The following NPNT variants were observed in gnomAD, a reference collection of about 807,000 sequenced individuals.
NPNT encodes nephronectin, also known as preosteoblast EGF-like repeat protein with MAM domain.
In NPNT, 45 loss-of-function variants were observed where a neutral mutation model predicts 68.6. The observed-to-expected ratio is 0.66, with a 90% confidence interval of 0.52 to 0.84. The LOEUF is 0.84. Ranked by LOEUF, NPNT falls within the 40% of genes least tolerant of loss-of-function variation. The pLI, the probability that NPNT is intolerant of heterozygous loss-of-function variation, is 0.00. For synonymous variants in NPNT, 233 were observed against 253.3 expected, an observed-to-expected ratio of 0.92 and a Z score of 0.76; for missense variants, 672 against 714.8, an observed-to-expected ratio of 0.94 and a Z score of 0.68.
intron 11 of NPNT, among the ~76,000 whole-genome samples, chr4:105,968,143 C>A (rs1425161164): frequency 6.6e-6 from 1 of 152,140 alleles, no homozygotes; most frequent in Non-Finnish European, 1.5e-5. Context: ...TTGGGAGATA[C>A]CTATGCCTGT....
At chr4:105,900,510 C>T (rs1271795923) in intron 2 of NPNT, among the ~76,000 whole-genome samples, 3 of 152,236 alleles carry the variant, frequency 2.0e-5, no homozygotes, top group African/African-American at 7.2e-5. Flanking sequence ...CCTTCATTTT[C>T]ACTTGCTATC....
chr4:105,962,235 A>C (rs1335317895), intron 10 of NPNT, among the ~76,000 whole-genome samples: 1 of 152,234 alleles, frequency 6.6e-6, no homozygotes, highest in Non-Finnish European at 1.5e-5. Flanking sequence ...TATGAGAAGA[A>C]TAGAGTTGGT....
intron 8 of NPNT, among the ~76,000 whole-genome samples, chr4:105,948,113 A>G (rs72970412): frequency 0.025 from 3,766 of 152,252 alleles, 152 homozygotes; most frequent in African/African-American, 0.085. Context: ...AATTCAGATT[A>G]TGGTTTTTTT....
chr4:105,895,815 C>A lies in NPNT; in HGVS notation c.71+92C>A. On this transcript the variant is annotated intron_variant, in intron 1 of 11. Transcript: ENST00000379987. ...ACTTTTCCCCGCGGGGTTTCGTGGTCAGAGAGGCGTCTCCTCCATCCAGAA... is the reference window on the plus strand; with the variant it reads ...ACTTTTCCCCGCGGGGTTTCGTGGTAAGAGAGGCGTCTCCTCCATCCAGAA... 5 of 1,117,742 alleles carry A rather than the reference C, an allele frequency of 4.5e-6. No homozygotes were observed. In the South Asian group the frequency reaches 5.5e-5, roughly 12 times the overall value. The allele number at this position is 1,117,742 out of a possible 1,614,324, so 69.2% of individuals were successfully genotyped here. A position where few individuals can be genotyped will look rare whatever the true frequency, so the allele number is the denominator to read the frequency against.
At chr4:105,917,407 C>T (rs1331086311) in intron 2 of NPNT, among the ~76,000 whole-genome samples, 1 of 152,130 alleles carries the variant, frequency 6.6e-6, no homozygotes, top group African/African-American at 2.4e-5. Flanking sequence ...CAGAGAAATG[C>T]CTTCTTCTGT....
chr4:105,949,992 A>T (rs1390315673), intron 8 of NPNT, among the ~76,000 whole-genome samples: 1 of 152,216 alleles, frequency 6.6e-6, no homozygotes, highest in Admixed American at 6.5e-5. Context: ...ACTATCGTTG[A>T]TAACAGTAAT....
intron 3 of NPNT, among the ~76,000 whole-genome samples, chr4:105,929,058 A>C (rs1728910417): frequency 6.6e-6 from 1 of 152,034 alleles, no homozygotes; most frequent in Non-Finnish European, 1.5e-5. Context: ...CTATCAAACC[A>C]TCATCTAGGT....
At chr4:105,921,660 T>C (rs28540395) in intron 2 of NPNT, among the ~76,000 whole-genome samples, 1 of 152,042 alleles carries the variant, frequency 6.6e-6, no homozygotes, top group Admixed American at 6.6e-5. Context: ...TTCTTCTAGG[T>C]TTTGTTCTGC....
chr4:105,944,189 G>A (rs2149380156), intron 8 of NPNT, among the ~76,000 whole-genome samples: 1 of 152,186 alleles, frequency 6.6e-6, no homozygotes, highest in Non-Finnish European at 1.5e-5. Context: ...TTTTATATGT[G>A]CATAACTATT....
chr4:105,912,104 T>C (rs931954600), intron 2 of NPNT: 4 of 892,932 alleles, frequency 4.5e-6, no homozygotes, highest in African/African-American at 1.6e-5. Flanking sequence ...TCTCCGGGAA[T>C]GTAACAAGTT....
intron 6 of NPNT, 130 bp from the exon 7 acceptor site, chr4:105,940,384 C>G (rs961686751): frequency 1.9e-6 from 2 of 1,061,132 alleles, no homozygotes; most frequent in African/African-American, 3.2e-5. Context: ...TTTATTTCTT[C>G]TGTTTATCTG....
chr4:105,899,455 C>A (rs1726221440), intron 2 of NPNT, among the ~76,000 whole-genome samples: 2 of 152,090 alleles, frequency 1.3e-5, no homozygotes, highest in South Asian at 4.1e-4. Flanking sequence ...TGATCATCTT[C>A]CCTTAAAACA....
intron 1 of NPNT, 191 bp downstream of exon 1, chr4:105,895,914 C>G: frequency 1.7e-6 from 1 of 578,880 alleles, no homozygotes. Flanking sequence ...GCGGAGAGGG[C>G]GCGCCCTTGC....
Position 105,895,649 on chromosome 4 carries a change from C to G in NPNT, c.-4C>G, listed in dbSNP as rs1725756350. On this transcript the variant is annotated 5_prime_UTR_variant, in exon 1 of 12. Transcript: ENST00000379987. ...GCGCTGCGCCCCAGGACCCGCTGCC[C>G]AACATGGATTTTCTCCTGGCGCTGG... The G allele has an allele frequency of 1.3e-6, 2 of 1,550,318 alleles. No homozygotes were observed. The highest frequency in any genetic ancestry group is 2.7e-5 in the African/African-American group (2 of 73,036).
chr4:105,960,103 C>T (rs1370665102), intron 10 of NPNT, among the ~76,000 whole-genome samples: 1 of 152,158 alleles, frequency 6.6e-6, no homozygotes, highest in Non-Finnish European at 1.5e-5. Context: ...AGCCACCGCG[C>T]CCAGCCAGAA....
At chr4:105,912,428 A>T (rs1266176311) in intron 2 of NPNT, 1 of 483,036 alleles carries the variant, frequency 2.1e-6, no homozygotes, top group African/African-American at 2.0e-5. Flanking sequence ...TTTTAATTCC[A>T]TTATTACATT....
intron 8 of NPNT, among the ~76,000 whole-genome samples, chr4:105,956,539 AGTT>A (rs1159470604): frequency 6.6e-6 from 1 of 152,168 alleles, no homozygotes; most frequent in East Asian, 1.9e-4. Flanking sequence ...TACTTTTAAG[AGTT>A]GAGCCTATTC....
At chr4:105,938,577 G>C (rs1008145993) in intron 5 of NPNT, among the ~76,000 whole-genome samples, 157 bp downstream of exon 5, 61 of 152,352 alleles carry the variant, frequency 4.0e-4, no homozygotes, top group Non-Finnish European at 7.8e-4. Flanking sequence ...GGACATCTCT[G>C]TGAATGGATA....
intron 8 of NPNT, among the ~76,000 whole-genome samples, chr4:105,945,803 C>G (rs1730337497): frequency 6.6e-6 from 1 of 152,130 alleles, no homozygotes; most frequent in South Asian, 2.1e-4. Flanking sequence ...TGATTTTCCT[C>G]TAGTGCTTTT....
Sources: gnomAD v4.1 joint callset for allele counts (sites outside exome capture counted in the v4.1 genomes callset) on GRCh38, gnomAD v4.1.1 for gene constraint, MANE v1.5 for transcripts, NCBI Gene and HGNC (gene_info 2026-07-23, HGNC 2026-07-21) for gene names.